The following HIPK2 variants were observed in gnomAD, a reference collection of about 807,000 sequenced individuals.
HIPK2 encodes homeodomain interacting protein kinase 2, also known as homeodomain-interacting protein kinase 2.
In HIPK2, 27 loss-of-function variants were observed where a neutral mutation model predicts 113.7. The ratio of observed to expected loss-of-function variants is 0.24; its 90% CI spans 0.17 to 0.33. The LOEUF is 0.33. Among genes scored for constraint, HIPK2 ranks in the 10% least tolerant of loss-of-function variants. HIPK2 has a pLI of 1.00. For synonymous variants in HIPK2, 631 were observed against 642.2 expected (o/e 0.98, Z 0.26); for missense variants, 1,257 against 1,588.0 (o/e 0.79, Z 3.54).
Position 139,620,557 on chromosome 7 carries a change from T to C in HIPK2, c.1626A>G (p.Lys542=), listed in dbSNP as rs1394595497. ...AGATCTCCATGTTCTGGAAACATGA[T>C]TTGACGCTGTTCATGCAAAAGGCAG... ...LLDFPHSTHV[K]SCFQNMEICK... Residue 542 remains lysine (K), a synonymous_variant, in exon 7 of 15, where the codon AAA becomes AAG. Transcript: ENST00000406875. The C allele has an allele frequency of 1.2e-6, 2 of 1,614,046 alleles. No homozygotes were observed. Among genetic ancestry groups the C allele is most frequent in the Non-Finnish European group, 1.7e-6 (2 of 1,179,974 alleles).
At position 139,562,758 on chromosome 7, in the gene HIPK2, A is replaced by C. The variant is rs561740876; in HGVS notation, c.*10169T>G. ...GAGTGGCCTGGGACACAGCCCATGC[A>C]CGTCCAAGACACCAGTCTTGACTCC... On this transcript the variant is annotated 3_prime_UTR_variant, in exon 15 of 15. Coordinates refer to ENST00000406875, the MANE Select transcript of HIPK2 (RefSeq NM_022740.5). 6.6e-6 allele frequency: 1 copy of C among 152,394 alleles called. No homozygotes were observed. The highest frequency in any genetic ancestry group is 1.9e-4 in the East Asian group (1 of 5,190). 9.4% of individuals were successfully genotyped at this position (152,394 alleles called of 1,614,324 possible).
At chr7:139,705,825 G>GT (rs1216719075) in intron 2 of HIPK2, among the ~76,000 whole-genome samples, 1 of 136,694 alleles carries the variant, frequency 7.3e-6, no homozygotes. Flanking sequence ...GAAAAGATTA[G>GT]TAAAAAAAAA....
At chr7:139,732,622 C>A (rs1338451791) in intron 1 of HIPK2, among the ~76,000 whole-genome samples, 1 of 151,936 alleles carries the variant, frequency 6.6e-6, no homozygotes, top group Non-Finnish European at 1.5e-5. Flanking sequence ...CCAGTGCTGC[C>A]CTTTCTAGCT....
chr7:139,623,484 C>T (rs1800310836), intron 6 of HIPK2, among the ~76,000 whole-genome samples: 1 of 145,398 alleles, frequency 6.9e-6, no homozygotes, highest in African/African-American at 2.6e-5. Flanking sequence ...TACTGCTGCA[C>T]TCCAACCTGT....
intron 12 of HIPK2, among the ~76,000 whole-genome samples, chr7:139,596,131 G>A (rs576322635): frequency 4.6e-5 from 7 of 152,340 alleles, no homozygotes; most frequent in Admixed American, 6.5e-5. Flanking sequence ...AGGCTCTGGC[G>A]CCAGGGTTAG....
intron 2 of HIPK2, among the ~76,000 whole-genome samples, chr7:139,700,229 C>T (rs1794669796): frequency 6.6e-6 from 1 of 152,108 alleles, no homozygotes; most frequent in Non-Finnish European, 1.5e-5. Context: ...CTGCTGTGCA[C>T]ACCACAGCCT....
At chr7:139,773,068 C>T (rs1387960057) in intron 1 of HIPK2, among the ~76,000 whole-genome samples, 1 of 152,148 alleles carries the variant, frequency 6.6e-6, no homozygotes, top group African/African-American at 2.4e-5. Context: ...GTCATTTCGA[C>T]AAACCCAGAA....
In HIPK2 at chr7:139,605,416, G is replaced by T. The variant is rs562641592; in HGVS notation, c.2113-1193C>A. Among the ~76,000 whole-genome samples the T allele has an allele frequency of 5.2e-4, 79 of 152,292 alleles. 1 individual carries two copies. Among genetic ancestry groups the T allele is most frequent in the African/African-American group, 1.8e-3 (75 of 41,558 alleles). On this transcript the variant is annotated intron_variant, in intron 9 of 14. Coordinates refer to ENST00000406875, the MANE Select transcript of HIPK2 (RefSeq NM_022740.5). ...TTTTGGACAGATCAAATATTTAAAGGTTTGATATCTTAGCCATCTCTCTTT... is the reference window on the plus strand; with the variant it reads ...TTTTGGACAGATCAAATATTTAAAGTTTTGATATCTTAGCCATCTCTCTTT...
chr7:139,765,766 T>A (rs1250986952), intron 1 of HIPK2, among the ~76,000 whole-genome samples: 1 of 152,160 alleles, frequency 6.6e-6, no homozygotes, highest in African/African-American at 2.4e-5. Context: ...CCATCTTCTG[T>A]TAAATGCTCA....
In HIPK2 at chr7:139,611,829, A is replaced by T. The variant is rs75340767; in HGVS notation, c.2112+1373T>A. On this transcript the variant is annotated intron_variant, in intron 9 of 14. Coordinates refer to ENST00000406875, the MANE Select transcript of HIPK2 (RefSeq NM_022740.5). Reference sequence around the variant, plus strand: ...GAGTAGCTGAGACTACAGGCCTGGGACTACAGGTGTGCACCACCACACCCA... The same window carrying T: ...GAGTAGCTGAGACTACAGGCCTGGGTCTACAGGTGTGCACCACCACACCCA... Among the ~76,000 whole-genome samples the T allele has an allele frequency of 1.2e-4, 18 of 152,264 alleles. No individual in the cohort carries two copies. In the East Asian group the frequency reaches 3.5e-3, roughly 29 times the overall value.
chr7:139,729,809 T>C (rs536352600), intron 1 of HIPK2, among the ~76,000 whole-genome samples: 7 of 152,326 alleles, frequency 4.6e-5, no homozygotes, highest in Admixed American at 4.6e-4. Context: ...CCTGAAATGT[T>C]CTAAATAAGG....
chr7:139,732,819 ATGTGTG>A (rs71170913), intron 1 of HIPK2, among the ~76,000 whole-genome samples: 12 of 144,998 alleles, frequency 8.3e-5, no homozygotes, highest in East Asian at 2.0e-4. Context: ...TTATATATAT[ATGTGTG>A]TGTGTGTGTG....
At chr7:139,629,120 T>A in intron 4 of HIPK2, 81 bp from the exon 5 acceptor site, 2 of 1,087,344 alleles carry the variant, frequency 1.8e-6, no homozygotes, top group Non-Finnish European at 2.7e-6. Flanking sequence ...CTCCTGTGTC[T>A]CACAGAGGGT....
intron 2 of HIPK2, among the ~76,000 whole-genome samples, chr7:139,690,804 C>T (rs1318941449): frequency 1.3e-5 from 2 of 152,196 alleles, no homozygotes; most frequent in Admixed American, 6.5e-5. Context: ...GCCTGTGGCC[C>T]TTACCAGATG....
chr7:139,739,954 T>C (rs2117071893), intron 1 of HIPK2, among the ~76,000 whole-genome samples: 1 of 152,356 alleles, frequency 6.6e-6, no homozygotes, highest in South Asian at 2.1e-4. Flanking sequence ...TGTATCCACT[T>C]GTCAGCTTAT....
rs765999135 is a variant in HIPK2, at chr7:139,716,889, T to C, written c.146A>G (p.Lys49Arg). The C allele has an allele frequency of 1.2e-6, 2 of 1,613,856 alleles. No individual in the cohort carries two copies. Among genetic ancestry groups the C allele is most frequent in the Non-Finnish European group, 1.7e-6 (2 of 1,179,866 alleles). ...WDMTGYGSHS[K>R]VYSQSKNIPL... is the part of the protein sequence containing the mutation. ...GATGTTCTTGCTCTGGCTATACACT[T>C]TGCTGTGGGAGCCGTACCCAGTCAT... The change falls in exon 2 of 15, where the codon AAA (lysine) becomes AGA (arginine). Residue 49 changes from lysine to arginine, a missense_variant. Lys to Arg is a conservative substitution (Grantham distance 26). Around this residue, in one of 5 missense-constraint regions of HIPK2, gnomAD observed 209 missense variants for 237.8 expected, o/e 0.88. Transcript: ENST00000406875. The surrounding 1 kb of genome is among the most constrained non-coding windows in gnomAD (Gnocchi z 9.3).
chr7:139,708,414 G>A (rs1264905994), intron 2 of HIPK2, among the ~76,000 whole-genome samples: 1 of 152,094 alleles, frequency 6.6e-6, no homozygotes, highest in Non-Finnish European at 1.5e-5. Flanking sequence ...TTGTCCAAAT[G>A]CATGTCACCT....
At chr7:139,600,891 C>T (rs977549689) in intron 10 of HIPK2, among the ~76,000 whole-genome samples, 6 of 152,196 alleles carry the variant, frequency 3.9e-5, no homozygotes, top group Non-Finnish European at 4.4e-5. Flanking sequence ...GATAAATATT[C>T]CCTCCAACTT....
At chr7:139,723,238 G>A (rs933069625) in intron 1 of HIPK2, among the ~76,000 whole-genome samples, 7 of 146,746 alleles carry the variant, frequency 4.8e-5, no homozygotes, top group Non-Finnish European at 1.0e-4. Context: ...TTGTCACCCA[G>A]GCTGGAGTGC....
Sources: allele counts gnomAD v4.1 joint callset (sites outside exome capture counted in the v4.1 genomes callset), GRCh38; gene constraint gnomAD v4.1.1; regional missense constraint gnomAD v4.1.1; non-coding constraint Gnocchi (gnomAD v3.1); transcripts MANE v1.5; gene names NCBI Gene and HGNC (gene_info 2026-07-23, HGNC 2026-07-21).